The following MBNL3 variants were observed in gnomAD, a reference collection of about 807,000 sequenced individuals.
The protein encoded by MBNL3 is muscleblind like splicing regulator 3, also known as muscleblind-like protein 3.
MBNL3 carries 6 observed loss-of-function variants against 24.5 expected under a neutral mutation model. That is an observed-to-expected ratio of 0.25 (90% confidence interval 0.13 to 0.48). MBNL3 has a LOEUF of 0.48. MBNL3 is among the 20% of genes least tolerant of loss of function. The pLI is 0.99. For missense variants in MBNL3, 230 were observed against 293.5 expected, an observed-to-expected ratio of 0.78 and a Z score of 1.58; for synonymous variants, 100 against 101.7, an observed-to-expected ratio of 0.98 and a Z score of 0.10.
chrX:132,488,904 C>G lies in MBNL3; in HGVS notation c.-757G>C, dbSNP rs1235302235. The G allele has an allele frequency of 2.6e-5, 3 of 113,685 alleles. No homozygotes were observed. Among genetic ancestry groups the G allele is most frequent in the Admixed American group, 9.2e-5 (1 of 10,887 alleles). 9.4% of individuals were successfully genotyped at this position (113,685 alleles called of 1,213,427 possible). A position where few individuals can be genotyped will look rare whatever the true frequency, so the allele number is the denominator to read the frequency against. ...TAAGGGGCCCTGCTCTCAGCGGCAG[C>G]AGCAGGGGCAGCGGCAGCGACAGCG... On this transcript the variant is annotated 5_prime_UTR_variant, in exon 1 of 9. Coordinates refer to ENST00000370853, the MANE Select transcript of MBNL3 (RefSeq NM_001386889.1).
intron 1 of MBNL3, among the ~76,000 whole-genome samples, chrX:132,452,925 T>C (rs1413101991): frequency 8.9e-6 from 1 of 112,140 alleles, no homozygotes; most frequent in African/African-American, 3.2e-5. Context: ...GAACAGAACA[T>C]CACTAAAGTC....
chrX:132,398,995 G>C (rs1463219805), intron 3 of MBNL3, among the ~76,000 whole-genome samples: 1 of 111,445 alleles, frequency 9.0e-6, no homozygotes, highest in Non-Finnish European at 1.9e-5. Flanking sequence ...AATTCCTAGA[G>C]GGTAGAGTTT....
chrX:132,444,094 T>C (rs1252654455), intron 1 of MBNL3, among the ~76,000 whole-genome samples: 1 of 105,386 alleles, frequency 9.5e-6, no homozygotes, highest in African/African-American at 3.5e-5. Context: ...CCTTAACCTT[T>C]TCTCCCTTAT....
At chrX:132,432,723 T>G in intron 2 of MBNL3, 1 of 111,809 alleles carries the variant, frequency 8.9e-6, no homozygotes, top group Middle Eastern at 4.6e-3. Context: ...ATACCATATT[T>G]TGTTGATGTA....
chrX:132,474,630 A>G (rs1174168172), intron 1 of MBNL3, among the ~76,000 whole-genome samples: 1 of 111,693 alleles, frequency 9.0e-6, no homozygotes, highest in African/African-American at 3.3e-5. Context: ...GATGTTGCGC[A>G]AGTAGGGCAG....
intron 3 of MBNL3, among the ~76,000 whole-genome samples, chrX:132,400,849 G>A (rs368884946): frequency 1.2e-3 from 140 of 112,001 alleles, no homozygotes; most frequent in Non-Finnish European, 2.2e-3. Flanking sequence ...ACCTCAATGC[G>A]GAAGTTCACA....
intron 3 of MBNL3, among the ~76,000 whole-genome samples, chrX:132,396,533 CATATATATATT>C (rs1569424220): frequency 3.2e-4 from 18 of 56,491 alleles, no homozygotes; most frequent in Admixed American, 1.1e-3. Context: ...TATATATATT[CATATATATATT>C]CCTATATATT....
At chrX:132,471,775 T>A (rs991441880) in intron 1 of MBNL3, among the ~76,000 whole-genome samples, 1 of 111,808 alleles carries the variant, frequency 8.9e-6, no homozygotes, top group Non-Finnish European at 1.9e-5. Flanking sequence ...GATGTTCCGA[T>A]GTTTATTTGT....
intron 1 of MBNL3, among the ~76,000 whole-genome samples, chrX:132,456,711 G>A (rs1452123854): frequency 9.0e-6 from 1 of 111,278 alleles, no homozygotes; most frequent in Non-Finnish European, 1.9e-5. Flanking sequence ...AATCATAAGA[G>A]TCATAAACAC....
intron 2 of MBNL3, among the ~76,000 whole-genome samples, chrX:132,407,338 T>C (rs1258309334): frequency 2.7e-5 from 3 of 112,292 alleles, no homozygotes; most frequent in African/African-American, 9.7e-5. Context: ...TCTATTGTTT[T>C]ACCTCCTCTG....
At chrX:132,482,165 C>T (rs1163790972) in intron 1 of MBNL3, among the ~76,000 whole-genome samples, 2 of 111,677 alleles carry the variant, frequency 1.8e-5, no homozygotes, top group African/African-American at 6.5e-5. Flanking sequence ...TTTACAGCAC[C>T]GTTGGGTGAT....
At chrX:132,487,579 T>C (rs1948074708) in intron 1 of MBNL3, among the ~76,000 whole-genome samples, 1 of 112,664 alleles carries the variant, frequency 8.9e-6, no homozygotes, top group African/African-American at 3.2e-5. Context: ...AAGTAGTTTC[T>C]ACTGCTTTGG....
chrX:132,487,499 T>C (rs780751019), intron 1 of MBNL3, among the ~76,000 whole-genome samples: 5 of 112,548 alleles, frequency 4.4e-5, no homozygotes, highest in Non-Finnish European at 7.5e-5. Context: ...CATGCTTTAA[T>C]AAGGGCAAAA....
At chrX:132,438,099 G>C (rs1322130576) in intron 2 of MBNL3, among the ~76,000 whole-genome samples, 1 of 112,031 alleles carries the variant, frequency 8.9e-6, no homozygotes, top group Non-Finnish European at 1.9e-5. Flanking sequence ...ATGTCACATG[G>C]GTGGCTGAGA....
At position 132,371,792 on chromosome X, in the gene MBNL3, A is replaced by T. The variant is rs781205325; in HGVS notation, c.*7874T>A. The T allele has an allele frequency of 8.9e-6, 1 of 111,784 alleles. No homozygotes were observed. The highest frequency in any genetic ancestry group is 1.9e-5 in the Non-Finnish European group (1 of 53,052). The allele number at this position is 111,784 out of a possible 1,213,427, so 9.2% of individuals were successfully genotyped here. ...ATCTTATAAGAGTAATAGGTCTAAC[A>T]CAACGGATATATTATCTACATAATT... On this transcript the variant is annotated 3_prime_UTR_variant, in exon 9 of 9. Coordinates refer to ENST00000370853, the MANE Select transcript of MBNL3 (RefSeq NM_001386889.1).
chrX:132,470,921 G>A (rs1395063998), intron 1 of MBNL3, among the ~76,000 whole-genome samples: 2 of 110,996 alleles, frequency 1.8e-5, no homozygotes, highest in African/African-American at 6.6e-5. Flanking sequence ...TATAACCATG[G>A]GGATTATAGG....
Position 132,409,788 on chromosome X carries a change from T to G in MBNL3, c.178-3396A>C, listed in dbSNP as rs182761161. 1.0e-3 allele frequency among the ~76,000 whole-genome samples: 116 copies of G among 111,688 alleles called. 2 individuals are homozygous for G. The Middle Eastern group carries it at 0.032, about 31-fold the overall frequency. On this transcript the variant is annotated intron_variant, in intron 2 of 8. Transcript: ENST00000370853. ...TCCCCCTCCCATATACACTCAAAAT[T>G]AAAGAAACGTTGAAGCGATTAGAGT...
chrX:132,462,675 TATGTGTGTGTGTGTGCATGC>T (rs1424399774), intron 1 of MBNL3, among the ~76,000 whole-genome samples: 1 of 108,558 alleles, frequency 9.2e-6, no homozygotes, highest in Non-Finnish European at 1.9e-5. Context: ...ACACCTGCAC[TATGTGTGTGTGTGTGCATGC>T]ATGTGTGTGT....
chrX:132,487,160 CT>C (rs952464194), intron 1 of MBNL3, among the ~76,000 whole-genome samples: 4 of 108,572 alleles, frequency 3.7e-5, no homozygotes, highest in African/African-American at 1.0e-4. Flanking sequence ...TTCTTTTTTT[CT>C]TTTTTTTTAA....
Sources: gnomAD v4.1 joint callset for allele counts (sites outside exome capture counted in the v4.1 genomes callset) on GRCh38, gnomAD v4.1.1 for gene constraint, MANE v1.5 for transcripts, NCBI Gene and HGNC (gene_info 2026-07-23, HGNC 2026-07-21) for gene names.